Variants in IL1RAPL1 observed in about 807,000 individuals in gnomAD.
IL1RAPL1 encodes the protein interleukin-1 receptor accessory protein-like 1.
IL1RAPL1 carries 3 observed loss-of-function variants against 48.4 expected under a neutral mutation model. The observed-to-expected ratio is 0.06, with a 90% confidence interval of 0.03 to 0.16. IL1RAPL1 has a LOEUF of 0.16. Among genes scored for constraint, IL1RAPL1 ranks in the 10% least tolerant of loss-of-function variants. IL1RAPL1 has a pLI of 1.00. For missense variants in IL1RAPL1, 349 were observed against 530.6 expected (o/e 0.66, Z 3.36); for synonymous variants, 185 against 187.7 (o/e 0.99, Z 0.12).
chrX:29,688,754 C>CTCTCTCTCTCTCTCTCTG (rs58405949), intron 6 of IL1RAPL1, among the ~76,000 whole-genome samples: 15 of 103,893 alleles, frequency 1.4e-4, no homozygotes, highest in African/African-American at 5.6e-4. Flanking sequence ...CTCTCTCTCT[C>CTCTCTCTCTCTCTCTCTG]TGTGTGTGTC....
intron 1 of IL1RAPL1, among the ~76,000 whole-genome samples, chrX:28,595,547 G>T (rs1933944975): frequency 8.9e-6 from 1 of 111,842 alleles, no homozygotes; most frequent in African/African-American, 3.3e-5. Context: ...GTGCCCTCTA[G>T]AGTTACTGGG....
chrX:28,967,555 T>A (rs2147366532), intron 2 of IL1RAPL1, among the ~76,000 whole-genome samples: 1 of 111,544 alleles, frequency 9.0e-6, no homozygotes. Flanking sequence ...CCCTTTACCT[T>A]TAAATCTTTT....
chrX:29,409,468 A>G (rs920528467), intron 5 of IL1RAPL1, among the ~76,000 whole-genome samples: 1 of 111,907 alleles, frequency 8.9e-6, no homozygotes, highest in Non-Finnish European at 1.9e-5. Context: ...GAGCTCTTTC[A>G]TGAGTGGTTT....
At chrX:29,183,206 A>G (rs781755331) in intron 2 of IL1RAPL1, among the ~76,000 whole-genome samples, 24 of 111,691 alleles carry the variant, frequency 2.1e-4, no homozygotes, top group Admixed American at 5.7e-4. Context: ...AAGAAACCAA[A>G]TATTTCTATA....
chrX:29,419,958 T>A (rs1347582146), intron 5 of IL1RAPL1, among the ~76,000 whole-genome samples: 1 of 112,026 alleles, frequency 8.9e-6, no homozygotes, highest in Non-Finnish European at 1.9e-5. Flanking sequence ...TGGAACCATG[T>A]GACTAGTTCT....
chrX:29,531,089 G>A (rs1569332283), intron 5 of IL1RAPL1, among the ~76,000 whole-genome samples: 2 of 111,496 alleles, frequency 1.8e-5, no homozygotes, highest in Admixed American at 1.9e-4. Context: ...CAGTCTGTTA[G>A]AGATGATTGT....
At chrX:29,527,304 G>C (rs960998953) in intron 5 of IL1RAPL1, among the ~76,000 whole-genome samples, 2 of 95,530 alleles carry the variant, frequency 2.1e-5, no homozygotes, top group Non-Finnish European at 4.1e-5. Context: ...ATTATTTTAG[G>C]ACTTGCATGT....
intron 1 of IL1RAPL1, among the ~76,000 whole-genome samples, chrX:28,720,506 C>G (rs1935558816): frequency 8.9e-6 from 1 of 112,124 alleles, no homozygotes; most frequent in African/African-American, 3.2e-5. Context: ...GCATTCTAAG[C>G]ATATCAAATT....
chrX:28,635,009 A>G (rs1411675942), intron 1 of IL1RAPL1, among the ~76,000 whole-genome samples: 4 of 111,432 alleles, frequency 3.6e-5, no homozygotes, highest in Non-Finnish European at 7.5e-5. Context: ...AGATAGAAAT[A>G]ATATCTCCCT....
intron 2 of IL1RAPL1, among the ~76,000 whole-genome samples, chrX:28,790,284 C>G (rs1361285898): frequency 8.9e-6 from 1 of 112,200 alleles, no homozygotes; most frequent in Non-Finnish European, 1.9e-5. Context: ...AGATAATGTA[C>G]AAGAGGTTGC....
chrX:28,698,028 A>G (rs927450186), intron 1 of IL1RAPL1, among the ~76,000 whole-genome samples: 4 of 111,502 alleles, frequency 3.6e-5, no homozygotes, highest in Non-Finnish European at 7.5e-5. Context: ...AATCTCTTCT[A>G]CTACCCAGCT....
At chrX:28,768,755 C>A (rs7890951) in intron 1 of IL1RAPL1, among the ~76,000 whole-genome samples, 5,739 of 33,938 alleles carry the variant, frequency 0.17, 574 homozygotes, top group Non-Finnish European at 0.18. Context: ...CTCTCTCTCT[C>A]TATATATATA....
rs776140697 is a variant in IL1RAPL1 at position 28,595,638 on chromosome X, T to C, written c.-25+7591T>C. 1.9e-4 allele frequency among the ~76,000 whole-genome samples: 21 copies of C among 112,025 alleles called. No individual in the cohort carries two copies. In the South Asian group the frequency reaches 7.1e-3, roughly 38 times the overall value. On this transcript the variant is annotated intron_variant, in intron 1 of 10. Coordinates refer to ENST00000378993, the MANE Select transcript of IL1RAPL1 (RefSeq NM_014271.4). ...ATGCTTACAACCTCTCTGCCAACTT[T>C]ATTTCAGAAGAGACACAGTCAGGAG...
In IL1RAPL1 at chrX:28,696,895, T is replaced by C. The variant is rs758163194; in HGVS notation, c.-24-92425T>C. ...TTTGGCATTACAAATATTGCTGCAG[T>C]AAACATCCTTAAATATATGTCCTTA... is the stretch of plus-strand genomic sequence containing the variant. On this transcript the variant is annotated intron_variant, in intron 1 of 10. Transcript: ENST00000378993. 4.5e-5 allele frequency among the ~76,000 whole-genome samples: 5 copies of C among 111,486 alleles called. No homozygotes were observed. The East Asian group carries it at 1.1e-3, about 25-fold the overall frequency.
intron 6 of IL1RAPL1, among the ~76,000 whole-genome samples, chrX:29,704,246 A>G (rs1206720444): frequency 9.0e-6 from 1 of 111,491 alleles, no homozygotes; most frequent in African/African-American, 3.3e-5. Context: ...TTTAATGTCA[A>G]TTATAGATAT....
intron 6 of IL1RAPL1, among the ~76,000 whole-genome samples, chrX:29,734,826 GGTT>G (rs769560425): frequency 1.8e-5 from 2 of 111,490 alleles, no homozygotes; most frequent in Admixed American, 9.5e-5. Flanking sequence ...GGAAACCTAA[GGTT>G]GTATGAGAGA....
chrX:29,632,353 G>A (rs761796394), intron 5 of IL1RAPL1, among the ~76,000 whole-genome samples: 24 of 109,815 alleles, frequency 2.2e-4, no homozygotes, highest in Non-Finnish European at 3.4e-4. Context: ...GTTTCACTGT[G>A]TTAGCCAGGA....
intron 2 of IL1RAPL1, among the ~76,000 whole-genome samples, chrX:29,132,617 C>A (rs1456431364): frequency 9.0e-6 from 1 of 111,694 alleles, no homozygotes; most frequent in East Asian, 2.8e-4. Flanking sequence ...GAATGTATCC[C>A]TGTCATTAAG....
intron 5 of IL1RAPL1, among the ~76,000 whole-genome samples, chrX:29,657,953 T>G (rs774868493): frequency 9.1e-6 from 1 of 109,921 alleles, no homozygotes; most frequent in South Asian, 3.9e-4. Flanking sequence ...ATCATTTATC[T>G]CAATAATTAT....
Sources: allele counts gnomAD v4.1 joint callset (sites outside exome capture counted in the v4.1 genomes callset), GRCh38; gene constraint gnomAD v4.1.1; transcripts MANE v1.5; gene names NCBI Gene and HGNC (gene_info 2026-07-23, HGNC 2026-07-21).